The following SETD6 variants were observed in gnomAD, a reference collection of about 807,000 sequenced individuals.
SETD6 encodes N-lysine methyltransferase SETD6.
A neutral mutation model predicts 52.7 loss-of-function variants in SETD6; 67 were observed. That is an observed-to-expected ratio of 1.27 (90% CI 1.04 to 1.56). SETD6 has a LOEUF of 1.56. Ranked by LOEUF, SETD6 falls within the 40% of genes most tolerant of loss-of-function variation. The probability of loss-of-function intolerance (pLI) is 0.00; values close to 1 mark genes in which losing one functional copy is unlikely to be tolerated. For synonymous variants in SETD6, 307 were observed against 250.2 expected (o/e 1.23, Z -2.14); for missense variants, 712 against 607.5 (o/e 1.17, Z -1.81).
rs748443898 is a variant in SETD6 at position 58,516,156 on chromosome 16, G to A, written c.335-46G>A. The A allele has an allele frequency of 4.0e-4, 536 of 1,356,526 alleles. 1 individual carries two copies. The highest frequency in any genetic ancestry group is 5.0e-4 in the Non-Finnish European group (526 of 1,060,186). 84.0% of individuals were successfully genotyped at this position (1,356,526 alleles called of 1,614,324 possible). A position where few individuals can be genotyped will look rare whatever the true frequency, so the allele number is the denominator to read the frequency against. On this transcript the variant is annotated intron_variant, in intron 2 of 7. Transcript: ENST00000219315. ...GGGCGGGGCGGGGCGGGGCGGGCCCGGCCCGCGAGGCCGCGCCGGGGCGCT... is the reference window on the plus strand; with the variant it reads ...GGGCGGGGCGGGGCGGGGCGGGCCCAGCCCGCGAGGCCGCGCCGGGGCGCT...
upstream of SETD6, chr16:58,515,488 G>C (rs750642518): frequency 6.4e-7 from 1 of 1,558,114 alleles, no homozygotes; most frequent in Non-Finnish European, 8.6e-7. Context: ...CAGAGACGCC[G>C]GAAGTGACCG....
In SETD6 at chr16:58,520,975, C is replaced by G. The variant is rs2039346715; in HGVS notation, c.*1946C>G. 7.4e-6 allele frequency: 12 copies of G among 1,613,928 alleles called. No individual in the cohort carries two copies. The highest frequency in any genetic ancestry group is 1.0e-5 in the Non-Finnish European group (12 of 1,180,044). On this transcript the variant is annotated 3_prime_UTR_variant, in exon 8 of 8. Coordinates refer to ENST00000219315, the MANE Select transcript of SETD6 (RefSeq NM_001160305.4). ...AGTTTCGTCTAACTGGCACCTGTCC[C>G]TTCCATTACTTGCTGGGCCTGCTTC...
chr16:58,517,295 T>C, intron 5 of SETD6: 1 of 337,244 alleles, frequency 3.0e-6, no homozygotes, highest in East Asian at 7.2e-5. Flanking sequence ...GATGAGGACA[T>C]TCACAGGCCA....
chr16:58,516,884 CT>C lies in SETD6; in HGVS notation c.749del (p.Leu250GlnfsTer4), dbSNP rs2039180510. 1.2e-6 allele frequency: 2 copies of C among 1,614,042 alleles called. No homozygotes were observed. Among genetic ancestry groups the C allele is most frequent in the African/African-American group, 2.7e-5 (2 of 74,922 alleles). On this transcript the variant is annotated frameshift_variant, in exon 5 of 8. Transcript: ENST00000219315. LOFTEE classifies it high-confidence loss of function. ...CGTGATGGTGCCTGCTGCAGACATA[CT>C]AAACCACTTAGCCAATCACAACGCC... ...SPVMVPAADI[L>X]NHLANHNANL...
chr16:58,518,359 C>T, intron 6 of SETD6, 42 bp from the exon 7 acceptor site: 1 of 1,585,444 alleles, frequency 6.3e-7, no homozygotes, highest in Non-Finnish European at 8.6e-7. Context: ...GAAATGAACC[C>T]TTGGGTGTAC....
Position 58,520,462 on chromosome 16 carries a change from A to G in SETD6, c.*1433A>G, listed in dbSNP as rs16960200. The G allele has an allele frequency of 3.1e-3, 500 of 161,014 alleles. 3 individuals are homozygous for G. The highest frequency in any genetic ancestry group is 0.011 in the African/African-American group (468 of 41,708). 10.0% of individuals were successfully genotyped at this position (161,014 alleles called of 1,614,324 possible). On this transcript the variant is annotated 3_prime_UTR_variant, in exon 8 of 8. Transcript: ENST00000219315. ...GGACATATCCAATTCTAGCACATCC[A>G]CATTTTTAATAACTTAGTGATTTTC...
chr16:58,518,365 T>C (rs754252850), intron 6 of SETD6, 36 bp from the exon 7 acceptor site: 1 of 1,582,684 alleles, frequency 6.3e-7, no homozygotes, highest in South Asian at 1.2e-5. Flanking sequence ...AACCCTTGGG[T>C]GTACTGAGAC....
rs1297859440 is a variant in SETD6 at position 58,521,526 on chromosome 16, G to A, written c.*2497G>A. Among the ~76,000 whole-genome samples, 4 of 152,188 alleles carry A rather than the reference G, an allele frequency of 2.6e-5. No homozygotes were observed. The highest frequency in any genetic ancestry group is 9.6e-5 in the African/African-American group (4 of 41,456). ...CCTGCTCTTAGCCGTAGAAGACTAA[G>A]TATTTATATAAAGTGCAGATAATGG... is the stretch of plus-strand genomic sequence containing the variant. On this transcript the variant is annotated 3_prime_UTR_variant, in exon 8 of 8. Coordinates refer to ENST00000219315, the MANE Select transcript of SETD6 (RefSeq NM_001160305.4).
At position 58,518,807 on chromosome 16, in the gene SETD6, G is replaced by A; in HGVS notation, c.1200G>A (p.Leu400=). ...GGDDKREEGS[L]TITNIPKLKA... ...ATGATAAAAGGGAAGAGGGCAGCCTGACGATCACAAATATTCCCAAGCTCA... is the reference window on the plus strand; with the variant it reads ...ATGATAAAAGGGAAGAGGGCAGCCTAACGATCACAAATATTCCCAAGCTCA... Residue 400 remains leucine, a synonymous_variant, in exon 8 of 8, where the codon CTG becomes CTA. Transcript: ENST00000219315. 2 of 1,614,182 alleles carry A rather than the reference G, an allele frequency of 1.2e-6. No homozygotes were observed. Among genetic ancestry groups the A allele is most frequent in the Non-Finnish European group, 1.7e-6 (2 of 1,180,036 alleles).
rs1042043750 is a variant in SETD6, at chr16:58,521,773, G to A, written c.*2744G>A. ...TCGAGACCAGCCTGGCCAACATGGT[G>A]AAACCCCATCTCTGCTACAAATATA... On this transcript the variant is annotated 3_prime_UTR_variant, in exon 8 of 8. Coordinates refer to ENST00000219315, the MANE Select transcript of SETD6 (RefSeq NM_001160305.4). Among the ~76,000 whole-genome samples, 1 of 152,046 alleles carries A rather than the reference G, an allele frequency of 6.6e-6. No individual in the cohort carries two copies. Among genetic ancestry groups the A allele is most frequent in the Non-Finnish European group, 1.5e-5 (1 of 68,022 alleles).
In SETD6 at chr16:58,521,964, A is replaced by G. The variant is rs1350291945; in HGVS notation, c.*2935A>G. Among the ~76,000 whole-genome samples, 5 of 151,170 alleles carry G rather than the reference A, an allele frequency of 3.3e-5. No individual in the cohort carries two copies. In the East Asian group the frequency reaches 9.7e-4, roughly 29 times the overall value. On this transcript the variant is annotated 3_prime_UTR_variant, in exon 8 of 8. Transcript: ENST00000219315. ...AGACCCTGTCTCAAATAAACAGATA[A>G]ATTAAATAAATAAATAAGCTCACTC...
At chr16:58,515,721 C>G in intron 1 of SETD6, 70 bp from the exon 2 acceptor site, 1 of 1,405,438 alleles carries the variant, frequency 7.1e-7, no homozygotes. Context: ...TGCGCTCGCG[C>G]CGCGGTCTCC....
chr16:58,521,070 A>G lies in SETD6; in HGVS notation c.*2041A>G, dbSNP rs756685875. On this transcript the variant is annotated 3_prime_UTR_variant, in exon 8 of 8. Coordinates refer to ENST00000219315, the MANE Select transcript of SETD6 (RefSeq NM_001160305.4). ...TGAAGACAGTTACAAATCTCTGATTAAAGAGTAGGCCTAACAATACCTTGC... is the reference window on the plus strand; with the variant it reads ...TGAAGACAGTTACAAATCTCTGATTGAAGAGTAGGCCTAACAATACCTTGC... 1 of 1,613,982 alleles carries G rather than the reference A, an allele frequency of 6.2e-7. No individual in the cohort carries two copies. The highest frequency in any genetic ancestry group is 1.1e-5 in the South Asian group (1 of 91,090).
chr16:58,521,630 AAGTT>A lies in SETD6; in HGVS notation c.*2605_*2608del, dbSNP rs953856517. ...TAAAGCCCAGAGTACATGGCACACA[AAGTT>A]AGTACAAAAAGTAGTAATTTCCAGA... On this transcript the variant is annotated 3_prime_UTR_variant, in exon 8 of 8. Coordinates refer to ENST00000219315, the MANE Select transcript of SETD6 (RefSeq NM_001160305.4). 6.6e-6 allele frequency among the ~76,000 whole-genome samples: 1 copy of A among 152,166 alleles called. No individual in the cohort carries two copies. Among genetic ancestry groups the A allele is most frequent in the Non-Finnish European group, 1.5e-5 (1 of 68,030 alleles).
Position 58,520,750 on chromosome 16 carries a change from A to C in SETD6, c.*1721A>C, listed in dbSNP as rs913744985. 7.0e-6 allele frequency: 4 copies of C among 574,526 alleles called. No individual in the cohort carries two copies. The highest frequency in any genetic ancestry group is 5.6e-5 in the African/African-American group (3 of 53,478). The allele number at this position is 574,526 out of a possible 1,614,324, so 35.6% of individuals were successfully genotyped here. A position where few individuals can be genotyped will look rare whatever the true frequency, so the allele number is the denominator to read the frequency against. ...AAATGATATTCACAGCATCTTCTAA[A>C]TTTTGGCCAAGAGTCAAAAAAATGC... On this transcript the variant is annotated 3_prime_UTR_variant, in exon 8 of 8. Transcript: ENST00000219315.
In SETD6 at chr16:58,522,090, C is replaced by T. The variant is rs1318315568; in HGVS notation, c.*3061C>T. 6.6e-6 allele frequency among the ~76,000 whole-genome samples: 1 copy of T among 151,774 alleles called. No homozygotes were observed. Among genetic ancestry groups the T allele is most frequent in the Non-Finnish European group, 1.5e-5 (1 of 67,974 alleles). On this transcript the variant is annotated 3_prime_UTR_variant, in exon 8 of 8. Coordinates refer to ENST00000219315, the MANE Select transcript of SETD6 (RefSeq NM_001160305.4). ...ATCCCAGCACTCTGGGAGGCCAAGA[C>T]GGGTGGATCACGAGGTCGGGAGTTC... is the stretch of plus-strand genomic sequence containing the variant.
Position 58,518,485 on chromosome 16 carries a change from C to G in SETD6, c.1058C>G (p.Ala353Gly). ...CTGGAGATGGTAGGGGAAGAGGGAG[C>G]CTTTGTGATAGGGAGGGAGGAGGTG... is the stretch of plus-strand genomic sequence containing the variant. ...CKLEMVGEEG[A>G]FVIGREEVLT... is the part of the protein sequence containing the mutation. The change falls in exon 7 of 8, where the codon GCC (alanine) becomes GGC (glycine). Residue 353 changes from alanine (A) to glycine (G), a missense_variant. Physicochemically the swap from Ala to Gly is moderately conservative, Grantham distance 60 (BLOSUM62 0). Transcript: ENST00000219315. 6.3e-7 allele frequency: 1 copy of G among 1,590,990 alleles called. No homozygotes were observed. The highest frequency in any genetic ancestry group is 1.4e-5 in the African/African-American group (1 of 73,104).
rs1293573357 is a variant in SETD6, at chr16:58,516,033, C to T, written c.270C>T (p.Phe90=). The change falls in exon 2 of 8, where the codon TTC becomes TTT. Residue 90 remains phenylalanine, a synonymous_variant. Transcript: ENST00000219315. ...RESVQAGELL[F]VVPRAALLSQ... is the part of the protein sequence containing the mutation. Reference sequence around the variant, plus strand: ...GCGTGCAGGCCGGAGAGCTGTTGTTCGTGGTGCCGCGGGCCGCGCTCCTGT... The same window carrying T: ...GCGTGCAGGCCGGAGAGCTGTTGTTTGTGGTGCCGCGGGCCGCGCTCCTGT... The T allele has an allele frequency of 6.6e-7, 1 of 1,520,078 alleles. No homozygotes were observed. The highest frequency in any genetic ancestry group is 2.7e-5 in the East Asian group (1 of 36,746). 94.2% of individuals were successfully genotyped at this position (1,520,078 alleles called of 1,614,324 possible). A position where few individuals can be genotyped will look rare whatever the true frequency, so the allele number is the denominator to read the frequency against.
At position 58,518,863 on chromosome 16, in the gene SETD6, GTGT is replaced by G. The variant is rs1222216473; in HGVS notation, c.1258_1260del (p.Val420del). On this transcript the variant is annotated inframe_deletion, in exon 8 of 8. Transcript: ENST00000219315. ...TCGTGGAGACAGCTGCTTCAAAACA[GTGT>G]TCTACTGACTTTGCAGACCTATGCC... The G allele has an allele frequency of 3.1e-6, 5 of 1,614,036 alleles. No homozygotes were observed. The Admixed American group carries it at 8.3e-5, about 27-fold the overall frequency.
Sources: gnomAD v4.1 joint callset for allele counts (sites outside exome capture counted in the v4.1 genomes callset) on GRCh38, gnomAD v4.1.1 for gene constraint, MANE v1.5 for transcripts, NCBI Gene and HGNC (gene_info 2026-07-23, HGNC 2026-07-21) for gene names.